The following TMEM168 variants were observed in gnomAD, a reference collection of about 807,000 sequenced individuals.
The protein encoded by TMEM168 is transmembrane protein 168.
Under a neutral mutation model 53.2 loss-of-function variants are expected in TMEM168, and 40 were observed. The observed-to-expected ratio is 0.75, with a 90% CI of 0.58 to 0.98. TMEM168 has a LOEUF of 0.98. TMEM168 is among the 50% of genes least tolerant of loss of function. The pLI, the probability that TMEM168 is intolerant of heterozygous loss-of-function variation, is 0.00. For synonymous variants in TMEM168, 282 were observed against 293.0 expected, an observed-to-expected ratio of 0.96 and a Z score of 0.38; for missense variants, 771 against 828.8, an observed-to-expected ratio of 0.93 and a Z score of 0.86.
At position 112,784,499 on chromosome 7, in the gene TMEM168, A is replaced by G; in HGVS notation, c.327T>C (p.Leu109=). 2 of 1,614,128 alleles carry G rather than the reference A, an allele frequency of 1.2e-6. No homozygotes were observed. Among genetic ancestry groups the G allele is most frequent in the Non-Finnish European group, 1.7e-6 (2 of 1,180,006 alleles). Residue 109 remains leucine (L), a synonymous_variant, in exon 2 of 5, where the codon CTT becomes CTC. Transcript: ENST00000312814. ...CATCATTTTTAAAGGATGAATTATC[A>G]AGAAAACATAGGAGGCCAAGCAAGA... ...FGFLLGLLCF[L]DNSSFKNDVK...
chr7:112,787,507 C>G (rs962186214), intron 1 of TMEM168, among the ~76,000 whole-genome samples: 1 of 151,960 alleles, frequency 6.6e-6, no homozygotes. Flanking sequence ...CTCTGACTAT[C>G]GGGTTCAAGT....
At chr7:112,786,492 G>A (rs374897296) in intron 1 of TMEM168, among the ~76,000 whole-genome samples, 72 of 151,860 alleles carry the variant, frequency 4.7e-4, no homozygotes, top group African/African-American at 1.7e-3. Flanking sequence ...ATTCACTCAT[G>A]TCTTAAGGTA....
Position 112,766,082 on chromosome 7 carries a change from C to T in TMEM168, c.*1115G>A, listed in dbSNP as rs913668414. 1 of 152,496 alleles carries T rather than the reference C, an allele frequency of 6.6e-6. No individual in the cohort carries two copies. Among genetic ancestry groups the T allele is most frequent in the Non-Finnish European group, 1.5e-5 (1 of 67,982 alleles). The allele number at this position is 152,496 out of a possible 1,614,324, so 9.4% of individuals were successfully genotyped here. A position where few individuals can be genotyped will look rare whatever the true frequency, so the allele number is the denominator to read the frequency against. ...TGGAAAGGAATAAGAAGTGAATTACCTCTTAGGAGATACCCTGATCAGTGC... is the reference window on the plus strand; with the variant it reads ...TGGAAAGGAATAAGAAGTGAATTACTTCTTAGGAGATACCCTGATCAGTGC... On this transcript the variant is annotated 3_prime_UTR_variant, in exon 5 of 5. Coordinates refer to ENST00000312814, the MANE Select transcript of TMEM168 (RefSeq NM_022484.6).
At chr7:112,771,657 A>G (rs983966493) in intron 4 of TMEM168, among the ~76,000 whole-genome samples, 7 of 152,256 alleles carry the variant, frequency 4.6e-5, no homozygotes, top group African/African-American at 1.7e-4. Context: ...CATGAAATCA[A>G]TGAGATCATG....
At chr7:112,787,749 TGA>T (rs1793429679) in intron 1 of TMEM168, among the ~76,000 whole-genome samples, 1 of 92,404 alleles carries the variant, frequency 1.1e-5, no homozygotes, top group Non-Finnish European at 2.2e-5. Context: ...TTTTTTTTTT[TGA>T]GACAGAGTTT....
chr7:112,769,932 G>T (rs1474844047), intron 4 of TMEM168, among the ~76,000 whole-genome samples: 1 of 152,086 alleles, frequency 6.6e-6, no homozygotes, highest in African/African-American at 2.4e-5. Context: ...GGCAAATATA[G>T]ATTCTCTTTC....
intron 1 of TMEM168, among the ~76,000 whole-genome samples, chr7:112,789,223 G>C (rs943301816): frequency 3.9e-5 from 6 of 151,986 alleles, no homozygotes; most frequent in African/African-American, 1.2e-4. Flanking sequence ...TTTCTTAAGA[G>C]ATTATCCCTG....
intron 1 of TMEM168, among the ~76,000 whole-genome samples, chr7:112,789,886 T>C (rs924634548): frequency 6.6e-6 from 1 of 152,036 alleles, no homozygotes; most frequent in African/African-American, 2.4e-5. Context: ...ATGTGGGAGG[T>C]CCGACAAGGA....
chr7:112,771,735 T>C (rs1792935264), intron 4 of TMEM168, among the ~76,000 whole-genome samples: 1 of 152,130 alleles, frequency 6.6e-6, no homozygotes, highest in South Asian at 2.1e-4. Flanking sequence ...TATTGGCAAC[T>C]CTGCCTCTGT....
chr7:112,788,962 T>C (rs946798702), intron 1 of TMEM168, among the ~76,000 whole-genome samples: 1 of 152,166 alleles, frequency 6.6e-6, no homozygotes, highest in East Asian at 1.9e-4. Flanking sequence ...TGGCGTCCCA[T>C]CACCCTTAGC....
Position 112,784,809 on chromosome 7 carries a change from C to G in TMEM168, c.17G>C (p.Arg6Pro). The G allele has an allele frequency of 6.3e-7, 1 of 1,591,212 alleles. No homozygotes were observed. Among genetic ancestry groups the G allele is most frequent in the East Asian group, 2.2e-5 (1 of 44,716 alleles). The stretch of plus-strand genomic sequence containing the variant: ...ATAGAGACAATGACTAAAGCAATAA[C>G]GCAGTGATTTACACATGTAACCAGC... MCKSL[R>P]YCFSHCLYLA... Residue 6 changes from arginine (R) to proline (P), a missense_variant, in exon 2 of 5, where the codon CGT becomes CCT. By Grantham distance (103) the Arg-to-Pro change is moderately radical. Transcript: ENST00000312814.
chr7:112,777,534 ATC>A (rs1418981699), intron 2 of TMEM168, among the ~76,000 whole-genome samples: 3 of 151,928 alleles, frequency 2.0e-5, no homozygotes, highest in African/African-American at 7.3e-5. Flanking sequence ...TTCTTACCAT[ATC>A]CTCTGAGTCT....
rs927443714 is a variant in TMEM168 at position 112,766,996 on chromosome 7, G to GACAA, written c.*200_*201insTTGT. The GACAA allele has an allele frequency of 4.3e-5, 24 of 553,130 alleles. No individual in the cohort carries two copies. Among genetic ancestry groups the GACAA allele is most frequent in the African/African-American group, 4.2e-4 (22 of 52,880 alleles). The allele number at this position is 553,130 out of a possible 1,614,324, so 34.3% of individuals were successfully genotyped here. On this transcript the variant is annotated 3_prime_UTR_variant, in exon 5 of 5. Transcript: ENST00000312814. ...TCTTATGCATTTACAGTAAGCATTT[G>GACAA]ACTCCCTACATACTTTCATTATAAA...
rs1271792327 is a variant in TMEM168 at position 112,790,371 on chromosome 7, A to T, written c.-340T>A. The T allele has an allele frequency of 6.6e-6, 1 of 152,238 alleles. No homozygotes were observed. Among genetic ancestry groups the T allele is most frequent in the Non-Finnish European group, 1.5e-5 (1 of 68,094 alleles). The allele number at this position is 152,238 out of a possible 1,614,324, so 9.4% of individuals were successfully genotyped here. On this transcript the variant is annotated 5_prime_UTR_variant, in exon 1 of 5. The change abolishes an upstream ATG in the 5' untranslated region. Coordinates refer to ENST00000312814, the MANE Select transcript of TMEM168 (RefSeq NM_022484.6). ...CGTTACCGGCCCGGCCGCGACCGCC[A>T]TGTTTCCGCCGCCGAAATCCGCGAC...
chr7:112,770,085 C>T (rs1303850961), intron 4 of TMEM168, among the ~76,000 whole-genome samples: 1 of 152,156 alleles, frequency 6.6e-6, no homozygotes, highest in Non-Finnish European at 1.5e-5. Flanking sequence ...ATTAGCAGAG[C>T]TTAAAGCTCT....
intron 2 of TMEM168, among the ~76,000 whole-genome samples, chr7:112,780,479 C>A (rs777334795): frequency 6.6e-6 from 1 of 152,172 alleles, no homozygotes; most frequent in African/African-American, 2.4e-5. Flanking sequence ...AACATCCATA[C>A]AATGGGATAT....
In TMEM168 at chr7:112,784,484, A is replaced by G. The variant is rs1793323553; in HGVS notation, c.342T>C (p.Phe114=). The part of the protein sequence containing the change: ...GLLCFLDNSS[F]KNDVKEESTK... Reference sequence around the variant, plus strand: ...TTGATTCTTCTTTTACATCATTTTTAAAGGATGAATTATCAAGAAAACATA... The same window carrying G: ...TTGATTCTTCTTTTACATCATTTTTGAAGGATGAATTATCAAGAAAACATA... Residue 114 remains phenylalanine (F), a synonymous_variant, in exon 2 of 5, where the codon TTT becomes TTC. Transcript: ENST00000312814. 6.2e-7 allele frequency: 1 copy of G among 1,614,112 alleles called. No homozygotes were observed. Among genetic ancestry groups the G allele is most frequent in the African/African-American group, 1.3e-5 (1 of 75,052 alleles).
chr7:112,780,915 G>A (rs1793210024), intron 2 of TMEM168, among the ~76,000 whole-genome samples: 1 of 145,642 alleles, frequency 6.9e-6, no homozygotes, highest in Non-Finnish European at 1.5e-5. Flanking sequence ...CTGTGGTAGT[G>A]GTGGTCACAC....
Position 112,775,615 on chromosome 7 carries a change from C to A in TMEM168, c.1129-297G>T, listed in dbSNP as rs201724487. Among the ~76,000 whole-genome samples the A allele has an allele frequency of 1.5e-3, 216 of 141,050 alleles. 2 individuals carry two copies. In the East Asian group the frequency reaches 0.029, roughly 19 times the overall value. The allele number at this position is 141,050 out of a possible 152,430, so 92.5% of individuals were successfully genotyped here. On this transcript the variant is annotated intron_variant, in intron 2 of 4. Transcript: ENST00000312814. Reference sequence around the variant, plus strand: ...ATCCAGACGAGAAAAAAAAAAAAAACAAAACAAACCAAAACCACTCTTTGA... The same window carrying A: ...ATCCAGACGAGAAAAAAAAAAAAAAAAAAACAAACCAAAACCACTCTTTGA...
Sources: allele counts gnomAD v4.1 joint callset (sites outside exome capture counted in the v4.1 genomes callset), GRCh38; gene constraint gnomAD v4.1.1; transcripts MANE v1.5; gene names NCBI Gene and HGNC (gene_info 2026-07-23, HGNC 2026-07-21).